The following SPRED1 variants were observed in gnomAD, a reference collection of about 807,000 sequenced individuals.
SPRED1 encodes the protein sprouty related EVH1 domain containing 1.
Under a neutral mutation model 52.3 loss-of-function variants are expected in SPRED1, and 18 were observed. That is an observed-to-expected ratio of 0.34 (90% CI 0.24 to 0.51). The LOEUF (loss-of-function observed/expected upper bound fraction) is 0.51. Among genes scored for constraint, SPRED1 ranks in the 20% least tolerant of loss-of-function variants. The pLI is 0.97. For missense variants in SPRED1, 485 were observed against 551.0 expected (o/e 0.88, Z 1.20); for synonymous variants, 155 against 179.7 (o/e 0.86, Z 1.10).
intron 4 of SPRED1, among the ~76,000 whole-genome samples, chr15:38,333,987 T>C (rs1895858335): frequency 6.6e-6 from 1 of 152,104 alleles, no homozygotes; most frequent in African/African-American, 2.4e-5. Context: ...TAATACTATG[T>C]ACCTCAAAGG....
At chr15:38,255,688 G>A (rs1894079846) in intron 1 of SPRED1, among the ~76,000 whole-genome samples, 1 of 152,122 alleles carries the variant, frequency 6.6e-6, no homozygotes, top group South Asian at 2.1e-4. Flanking sequence ...ATTATTTATA[G>A]TCATTATGAA....
At chr15:38,282,783 T>G (rs1894717563) in intron 1 of SPRED1, among the ~76,000 whole-genome samples, 1 of 152,236 alleles carries the variant, frequency 6.6e-6, no homozygotes, top group South Asian at 2.1e-4. Flanking sequence ...ATTTCTCTGC[T>G]GATAGCTGTT....
chr15:38,297,229 T>C (rs371088519), intron 1 of SPRED1, among the ~76,000 whole-genome samples: 1 of 152,252 alleles, frequency 6.6e-6, no homozygotes, highest in African/African-American at 2.4e-5. Context: ...TGAAAGGATA[T>C]ATTTGAAATT....
chr15:38,273,520 AAT>A (rs58636340), intron 1 of SPRED1, among the ~76,000 whole-genome samples: 1,588 of 142,310 alleles, frequency 0.011, 19 homozygotes, highest in East Asian at 0.023. Context: ...ATGTATTATT[AAT>A]ATATATATAT....
intron 1 of SPRED1, among the ~76,000 whole-genome samples, chr15:38,254,589 CTG>C (rs1377036723): frequency 2.0e-5 from 3 of 152,192 alleles, no homozygotes; most frequent in African/African-American, 7.2e-5. Flanking sequence ...GCTTATTTGT[CTG>C]TGTGTAGATT....
At chr15:38,345,971 T>A (rs994673518) in intron 5 of SPRED1, among the ~76,000 whole-genome samples, 1 of 152,210 alleles carries the variant, frequency 6.6e-6, no homozygotes, top group African/African-American at 2.4e-5. Context: ...TAGTTTATGT[T>A]CCCTTAGTAA....
intron 1 of SPRED1, among the ~76,000 whole-genome samples, chr15:38,268,693 T>A (rs1444735612): frequency 6.6e-6 from 1 of 152,228 alleles, no homozygotes; most frequent in Non-Finnish European, 1.5e-5. Context: ...GAGCATACTT[T>A]CCTTATTGCT....
chr15:38,344,266 C>T (rs1199860398), intron 5 of SPRED1, among the ~76,000 whole-genome samples: 2 of 152,074 alleles, frequency 1.3e-5, no homozygotes, highest in African/African-American at 2.4e-5. Flanking sequence ...TACAGTTGAG[C>T]AGGGAAAGAA....
At chr15:38,254,157 A>G (rs540800196) in intron 1 of SPRED1, among the ~76,000 whole-genome samples, 3 of 152,266 alleles carry the variant, frequency 2.0e-5, no homozygotes, top group East Asian at 3.9e-4. Flanking sequence ...GTTTTCTTGT[A>G]ATTAAGTTCA....
rs770816015 is a variant in SPRED1, at chr15:38,351,807, C to A, written c.*143C>A. The A allele has an allele frequency of 2.9e-6, 3 of 1,045,434 alleles. No homozygotes were observed. The highest frequency in any genetic ancestry group is 4.2e-6 in the Non-Finnish European group (3 of 716,428). 64.8% of individuals were successfully genotyped at this position (1,045,434 alleles called of 1,614,324 possible). A position where few individuals can be genotyped will look rare whatever the true frequency, so the allele number is the denominator to read the frequency against. Reference sequence around the variant, plus strand: ...ATGGAGGAAGCAGAACTCATCAGTTCTTGGCGTTTCACGCCATGCCTAACT... The same window carrying A: ...ATGGAGGAAGCAGAACTCATCAGTTATTGGCGTTTCACGCCATGCCTAACT... On this transcript the variant is annotated 3_prime_UTR_variant, in exon 7 of 7. Transcript: ENST00000299084.
chr15:38,281,818 G>A (rs151227800), intron 1 of SPRED1, among the ~76,000 whole-genome samples: 235 of 151,986 alleles, frequency 1.5e-3, no homozygotes, highest in African/African-American at 5.4e-3. Flanking sequence ...GTAAAGTTTG[G>A]GATTTATGGA....
At chr15:38,259,886 C>T (rs1020911362) in intron 1 of SPRED1, among the ~76,000 whole-genome samples, 4 of 152,052 alleles carry the variant, frequency 2.6e-5, no homozygotes, top group Non-Finnish European at 2.9e-5. Context: ...TGTGTTTTTG[C>T]GATACTCAGA....
chr15:38,299,188 A>G lies in SPRED1; in HGVS notation c.33-185A>G, dbSNP rs1895101169. On this transcript the variant is annotated intron_variant, in intron 1 of 6. Transcript: ENST00000299084. ...AGTCTTTAAAATAAAGGACAACCTTAAAGTCTGTTTTTGGTTTTTGACCTC... is the reference window on the plus strand; with the variant it reads ...AGTCTTTAAAATAAAGGACAACCTTGAAGTCTGTTTTTGGTTTTTGACCTC... 4 of 677,822 alleles carry G rather than the reference A, an allele frequency of 5.9e-6. No homozygotes were observed. In the Admixed American group the frequency reaches 9.0e-5, roughly 15 times the overall value. 42.0% of individuals were successfully genotyped at this position (677,822 alleles called of 1,614,324 possible). A position where few individuals can be genotyped will look rare whatever the true frequency, so the allele number is the denominator to read the frequency against.
rs1327750159 is a variant in SPRED1 at position 38,354,905 on chromosome 15, T to C, written c.*3241T>C. 1 of 152,170 alleles carries C rather than the reference T, an allele frequency of 6.6e-6. No homozygotes were observed. Among genetic ancestry groups the C allele is most frequent in the East Asian group, 1.9e-4 (1 of 5,188 alleles). 9.4% of individuals were successfully genotyped at this position (152,170 alleles called of 1,614,324 possible). On this transcript the variant is annotated 3_prime_UTR_variant, in exon 7 of 7. Transcript: ENST00000299084. The stretch of plus-strand genomic sequence containing the variant: ...ATAATAATCAAAACATGAAAAAACA[T>C]AATCACACCTGTATTTTATCATGAC...
intron 4 of SPRED1, among the ~76,000 whole-genome samples, chr15:38,338,166 G>A (rs1895959099): frequency 6.6e-6 from 1 of 150,558 alleles, no homozygotes; most frequent in Non-Finnish European, 1.5e-5. Context: ...AGCCGAGATT[G>A]CATCACTGCA....
chr15:38,268,940 C>CTTT (rs66775738), intron 1 of SPRED1, among the ~76,000 whole-genome samples: 3 of 121,866 alleles, frequency 2.5e-5, no homozygotes, highest in African/African-American at 2.8e-5. Context: ...TAACTTTTTT[C>CTTT]TTTTTTTTTT....
chr15:38,304,177 C>G (rs7163437), intron 2 of SPRED1, among the ~76,000 whole-genome samples: 6,307 of 152,252 alleles, frequency 0.041, 444 homozygotes, highest in African/African-American at 0.14. Flanking sequence ...AGACTCACCC[C>G]TTTCTATCAT....
intron 2 of SPRED1, among the ~76,000 whole-genome samples, chr15:38,304,872 A>AT (rs375950756): frequency 3.3e-5 from 5 of 152,000 alleles, no homozygotes; most frequent in Middle Eastern, 3.4e-3. Context: ...TGGCTTCAGT[A>AT]TTTTTTTATT....
intron 1 of SPRED1, among the ~76,000 whole-genome samples, chr15:38,259,072 A>G (rs1379100771): frequency 1.3e-5 from 2 of 152,200 alleles, no homozygotes; most frequent in East Asian, 3.8e-4. Flanking sequence ...ACATACTTAA[A>G]CAAAAGACTT....
Sources: gnomAD v4.1 joint callset for allele counts (sites outside exome capture counted in the v4.1 genomes callset) on GRCh38, gnomAD v4.1.1 for gene constraint, MANE v1.5 for transcripts, NCBI Gene and HGNC (gene_info 2026-07-23, HGNC 2026-07-21) for gene names.